CNTN4: variants seen among roughly 807,000 people sequenced by gnomAD.
The protein encoded by CNTN4 is contactin 4.
In CNTN4, 77 loss-of-function variants were observed where a neutral mutation model predicts 122.5. The ratio of observed to expected loss-of-function variants is 0.63; its 90% CI spans 0.52 to 0.76. The LOEUF is 0.76. CNTN4 is among the 30% of genes least tolerant of loss of function. The pLI, the probability that CNTN4 is intolerant of heterozygous loss-of-function variation, is 0.00. For synonymous variants in CNTN4, 512 were observed against 447.0 expected, an observed-to-expected ratio of 1.15 and a Z score of -1.83; for missense variants, 1,256 against 1,259.1, an observed-to-expected ratio of 1.00 and a Z score of 0.04.
chr3:2,170,824 T>C (rs1271342756), intron 2 of CNTN4, among the ~76,000 whole-genome samples: 3 of 152,162 alleles, frequency 2.0e-5, no homozygotes, highest in Non-Finnish European at 4.4e-5. Context: ...GAACAAACCG[T>C]AGTTATAAAT....
chr3:2,366,716 G>T (rs1271572490), intron 3 of CNTN4, among the ~76,000 whole-genome samples: 1 of 150,590 alleles, frequency 6.6e-6, no homozygotes, highest in Non-Finnish European at 1.5e-5. Context: ...GACAAAGCGA[G>T]ACTCTGTCTC....
chr3:2,347,410 CTT>C, intron 3 of CNTN4, among the ~76,000 whole-genome samples: 1 of 113,142 alleles, frequency 8.8e-6, no homozygotes, highest in African/African-American at 3.3e-5. Context: ...GAAATACAAT[CTT>C]TTTTTTTTTT....
intron 4 of CNTN4, among the ~76,000 whole-genome samples, chr3:2,714,072 T>G (rs541415837): frequency 1.3e-5 from 2 of 152,264 alleles, no homozygotes; most frequent in East Asian, 1.9e-4. Flanking sequence ...GTAATAATAA[T>G]CATAATAGCA....
At chr3:2,982,583 A>G (rs1402505146) in intron 13 of CNTN4, among the ~76,000 whole-genome samples, 1 of 152,138 alleles carries the variant, frequency 6.6e-6, no homozygotes, top group Non-Finnish European at 1.5e-5. Context: ...ACAATTCTAG[A>G]TTCCCATCTT....
chr3:2,279,320 A>G (rs560853916), intron 2 of CNTN4, among the ~76,000 whole-genome samples: 1 of 152,324 alleles, frequency 6.6e-6, no homozygotes, highest in East Asian at 1.9e-4. Context: ...ATCCTATTCC[A>G]GTAGTCAGTC....
intron 6 of CNTN4, among the ~76,000 whole-genome samples, chr3:2,789,669 G>A (rs1409928084): frequency 1.3e-5 from 2 of 152,200 alleles, no homozygotes; most frequent in Admixed American, 6.5e-5. Flanking sequence ...GACTTCAAGT[G>A]ATCCACCTGC....
At chr3:2,948,140 TA>T (rs1168645967) in intron 13 of CNTN4, among the ~76,000 whole-genome samples, 30 of 152,302 alleles carry the variant, frequency 2.0e-4, no homozygotes, top group African/African-American at 7.0e-4. Flanking sequence ...AGTTACTATA[TA>T]AAGGCACTTT....
At chr3:2,628,683 C>G (rs556811452) in intron 4 of CNTN4, among the ~76,000 whole-genome samples, 1 of 152,218 alleles carries the variant, frequency 6.6e-6, no homozygotes, top group Middle Eastern at 3.4e-3. Flanking sequence ...ATCTGAATCT[C>G]CAAAATCAGT....
chr3:2,409,138 A>G (rs565419521), intron 3 of CNTN4, among the ~76,000 whole-genome samples: 1 of 152,232 alleles, frequency 6.6e-6, no homozygotes, highest in East Asian at 1.9e-4. Context: ...ATCTTCTAAA[A>G]TTTTATTAAT....
At chr3:2,583,352 A>G (rs997813758) in intron 4 of CNTN4, among the ~76,000 whole-genome samples, 2 of 152,238 alleles carry the variant, frequency 1.3e-5, no homozygotes, top group African/African-American at 4.8e-5. Flanking sequence ...CCGAAGAGCA[A>G]AAAGATTAAT....
chr3:2,439,944 T>C (rs2048376036), intron 3 of CNTN4, among the ~76,000 whole-genome samples: 1 of 152,174 alleles, frequency 6.6e-6, no homozygotes, highest in Non-Finnish European at 1.5e-5. Context: ...AGTAAATTTT[T>C]TAGTTTTAGC....
intron 2 of CNTN4, among the ~76,000 whole-genome samples, chr3:2,258,685 T>G (rs2040698766): frequency 6.6e-6 from 1 of 152,190 alleles, no homozygotes; most frequent in Non-Finnish European, 1.5e-5. Flanking sequence ...GCATGCAGCC[T>G]ATTTCTCAAT....
At chr3:2,462,819 A>G (rs1281332212) in intron 3 of CNTN4, among the ~76,000 whole-genome samples, 1 of 152,190 alleles carries the variant, frequency 6.6e-6, no homozygotes, top group South Asian at 2.1e-4. Flanking sequence ...TTACATAAAG[A>G]GGTGAGGACA....
chr3:2,239,498 G>C (rs976680049), intron 2 of CNTN4, among the ~76,000 whole-genome samples: 3 of 151,798 alleles, frequency 2.0e-5, no homozygotes, highest in South Asian at 2.1e-4. Context: ...GCAGTGTAGA[G>C]CAAGTCTTGT....
At chr3:2,917,557 T>G (rs1318342729) in intron 12 of CNTN4, among the ~76,000 whole-genome samples, 1 of 152,174 alleles carries the variant, frequency 6.6e-6, no homozygotes, top group African/African-American at 2.4e-5. Context: ...GGGATCACAT[T>G]TTCAGTGGCA....
Position 2,173,673 on chromosome 3 carries a change from CTACT to C in CNTN4, c.-145+73040_-145+73043del, listed in dbSNP as rs755670851. 2.5e-4 allele frequency among the ~76,000 whole-genome samples: 38 copies of C among 151,352 alleles called. 1 individual carries two copies. Among genetic ancestry groups the C allele is most frequent in the African/African-American group, 4.4e-4 (18 of 41,354 alleles). On this transcript the variant is annotated intron_variant, in intron 2 of 24. Coordinates refer to ENST00000418658, the MANE Select transcript of CNTN4 (RefSeq NM_175607.3). The stretch of plus-strand genomic sequence containing the variant: ...TTCGGATGTTCGAAGGTCAACTCAG[CTACT>C]TACTTCCTTTTATAATTTGGTTCGA...
intron 3 of CNTN4, among the ~76,000 whole-genome samples, chr3:2,510,033 C>T (rs2076838630): frequency 6.6e-6 from 1 of 152,004 alleles, no homozygotes; most frequent in Non-Finnish European, 1.5e-5. Flanking sequence ...GTCTTTTTTC[C>T]CCACACATTT....
chr3:2,952,546 T>C (rs2124869482), intron 13 of CNTN4, among the ~76,000 whole-genome samples: 1 of 152,328 alleles, frequency 6.6e-6, no homozygotes, highest in South Asian at 2.1e-4. Context: ...CAAAATGAAA[T>C]TATATAATAC....
At chr3:2,527,382 C>G (rs1355593414) in intron 3 of CNTN4, among the ~76,000 whole-genome samples, 1 of 152,064 alleles carries the variant, frequency 6.6e-6, no homozygotes, top group Non-Finnish European at 1.5e-5. Flanking sequence ...CTCTTGAGGA[C>G]TGGCACACCA....
Sources: allele counts gnomAD v4.1 joint callset (sites outside exome capture counted in the v4.1 genomes callset), GRCh38; gene constraint gnomAD v4.1.1; transcripts MANE v1.5; gene names NCBI Gene and HGNC (gene_info 2026-07-23, HGNC 2026-07-21).